FAM149A: variants seen among roughly 807,000 people sequenced by gnomAD.
The protein encoded by FAM149A is family with sequence similarity 149 member A.
In FAM149A, 71 loss-of-function variants were observed where a neutral mutation model predicts 78.2. The ratio of observed to expected loss-of-function variants is 0.91; its 90% CI spans 0.75 to 1.11. The LOEUF (loss-of-function observed/expected upper bound fraction) is 1.11. FAM149A is among the 50% of genes least tolerant of loss of function. FAM149A has a pLI of 0.00. For missense variants in FAM149A, 1,036 were observed against 971.0 expected, an observed-to-expected ratio of 1.07 and a Z score of -0.89; for synonymous variants, 446 against 410.5, an observed-to-expected ratio of 1.09 and a Z score of -1.04.
At position 186,105,089 on chromosome 4, in the gene FAM149A, G is replaced by A. The variant is rs1332941872; in HGVS notation, c.13G>A (p.Val5Met). The A allele has an allele frequency of 9.4e-6, 12 of 1,280,448 alleles. No homozygotes were observed. In the African/African-American group the frequency reaches 1.3e-4, roughly 13 times the overall value. The allele number at this position is 1,280,448 out of a possible 1,614,324, so 79.3% of individuals were successfully genotyped here. ...CCACTGTCGAGGCATGAAGGCTGCT[G>A]TGCTGGACCTTGGGTCTCTCTTGGC... The change falls in exon 1 of 14, where the codon GTG becomes ATG. Residue 5 changes from valine (V) to methionine (M), a missense_variant. Physicochemically the swap from Val to Met is conservative, Grantham distance 21. Coordinates refer to ENST00000389354, the MANE Select transcript of FAM149A (RefSeq NM_001367768.3).
At chr4:186,131,861 ACTT>A (rs1252954620) in intron 1 of FAM149A, 1 of 980,768 alleles carries the variant, frequency 1.0e-6, no homozygotes, top group Non-Finnish European at 1.2e-6. Flanking sequence ...AAAATTAAGA[ACTT>A]CTGTTAATCA....
chr4:186,144,980 C>G lies in FAM149A; in HGVS notation c.567-4193C>G, dbSNP rs1421316094. The G allele has an allele frequency of 6.1e-6, 6 of 977,294 alleles. No homozygotes were observed. In the African/African-American group the frequency reaches 1.1e-4, roughly 17 times the overall value. 60.5% of individuals were successfully genotyped at this position (977,294 alleles called of 1,614,324 possible). ...GCGGGCGGGTGGGGAGCCCCAGCCC[C>G]GGGGCCGCGGGGGCGCGTGACCGGC... is the stretch of plus-strand genomic sequence containing the variant. On this transcript the variant is annotated intron_variant, in intron 1 of 13. Transcript: ENST00000389354. This position sits in a 1 kb window ranked among gnomAD's most constrained non-coding sequence, Gnocchi z 4.2.
intron 1 of FAM149A, among the ~76,000 whole-genome samples, chr4:186,141,178 T>A (rs1321319513): frequency 6.6e-6 from 1 of 152,222 alleles, no homozygotes; most frequent in African/African-American, 2.4e-5. Flanking sequence ...CTCTGCCCAC[T>A]TGTTTATGGG....
Position 186,144,916 on chromosome 4 carries a change from A to C in FAM149A, c.567-4257A>C, listed in dbSNP as rs1732885731. ...GCGCCCGGGCCGCCTGAGCTGGGCCAGCCGCGCGGCGGGCGCGGGCGCGGG... is the reference window on the plus strand; with the variant it reads ...GCGCCCGGGCCGCCTGAGCTGGGCCCGCCGCGCGGCGGGCGCGGGCGCGGG... On this transcript the variant is annotated intron_variant, in intron 1 of 13. Coordinates refer to ENST00000389354, the MANE Select transcript of FAM149A (RefSeq NM_001367768.3). The surrounding 1 kb of genome is among the most constrained non-coding windows in gnomAD (Gnocchi z 4.2). 1 of 951,816 alleles carries C rather than the reference A, an allele frequency of 1.1e-6. No homozygotes were observed. 59.0% of individuals were successfully genotyped at this position (951,816 alleles called of 1,614,324 possible). A position where few individuals can be genotyped will look rare whatever the true frequency, so the allele number is the denominator to read the frequency against.
At position 186,149,610 on chromosome 4, in the gene FAM149A, C is replaced by G; in HGVS notation, c.695C>G (p.Thr232Arg). ...TCCTCCAGCGGAAGCCATACACCCACGGGAGCCCACACCTCTTGGTCTGGG... is the reference window on the plus strand; with the variant it reads ...TCCTCCAGCGGAAGCCATACACCCAGGGGAGCCCACACCTCTTGGTCTGGG... The change falls in exon 3 of 14, where the codon ACG (threonine) becomes AGG (arginine). Residue 232 changes from threonine to arginine, a missense_variant. Transcript: ENST00000389354. The G allele has an allele frequency of 1.6e-6, 2 of 1,289,950 alleles. No individual in the cohort carries two copies. Among genetic ancestry groups the G allele is most frequent in the Non-Finnish European group, 2.0e-6 (2 of 988,898 alleles). 79.9% of individuals were successfully genotyped at this position (1,289,950 alleles called of 1,614,324 possible).
chr4:186,137,391 C>T (rs186367735), intron 1 of FAM149A, among the ~76,000 whole-genome samples: 1 of 152,210 alleles, frequency 6.6e-6, no homozygotes, highest in Non-Finnish European at 1.5e-5. Flanking sequence ...TACCCTGTCC[C>T]TCATGCACAT....
At chr4:186,113,238 G>A (rs1427002897) in intron 1 of FAM149A, among the ~76,000 whole-genome samples, 1 of 64,754 alleles carries the variant, frequency 1.5e-5, no homozygotes, top group Non-Finnish European at 3.2e-5. Context: ...GGGATCAGTG[G>A]TGATATCCCC....
In FAM149A at chr4:186,137,002, CTCTCTCTCTCTCTCTCTAA is replaced by C. The variant is rs1454617576; in HGVS notation, c.567-12170_567-12152del. On this transcript the variant is annotated intron_variant, in intron 1 of 13. Transcript: ENST00000389354. ...TCTCTCTCTCTCTCTCTCTCTCTCTCTCTCTCTCTCTCTCTCTAAGTGCTTAAAGCAGGGCCTGGTGTGT... is the reference window on the plus strand; with the variant it reads ...TCTCTCTCTCTCTCTCTCTCTCTCTCGTGCTTAAAGCAGGGCCTGGTGTGT... Among the ~76,000 whole-genome samples, 92 of 137,650 alleles carry C rather than the reference CTCTCTCTCTCTCTCTCTAA, an allele frequency of 6.7e-4. No individual in the cohort carries two copies. The East Asian group carries it at 0.014, about 22-fold the overall frequency. 90.3% of individuals were successfully genotyped at this position (137,650 alleles called of 152,430 possible).
intron 1 of FAM149A, chr4:186,107,534 C>G (rs2099309285): frequency 6.6e-6 from 1 of 152,178 alleles, no homozygotes; most frequent in Non-Finnish European, 1.5e-5. Context: ...TCTGATTCTC[C>G]CGTCTCAGAC....
intron 1 of FAM149A, chr4:186,145,061 C>T (rs1732915446): frequency 2.0e-6 from 2 of 983,774 alleles, no homozygotes; most frequent in African/African-American, 1.8e-5. Flanking sequence ...GAGCCTAGCG[C>T]GGAGCCTGGC....
At chr4:186,124,995 T>C (rs1414081214) in intron 1 of FAM149A, among the ~76,000 whole-genome samples, 3 of 152,234 alleles carry the variant, frequency 2.0e-5, no homozygotes, top group Non-Finnish European at 4.4e-5. Context: ...GGTTTTGATT[T>C]GCATTTTTCT....
At position 186,104,920 on chromosome 4, in the gene FAM149A, G is replaced by C; in HGVS notation, c.-157G>C. The C allele has an allele frequency of 1.0e-6, 1 of 972,418 alleles. No homozygotes were observed. Among genetic ancestry groups the C allele is most frequent in the African/African-American group, 1.8e-5 (1 of 57,070 alleles). The allele number at this position is 972,418 out of a possible 1,614,324, so 60.2% of individuals were successfully genotyped here. A position where few individuals can be genotyped will look rare whatever the true frequency, so the allele number is the denominator to read the frequency against. ...GGGGAAGGGCGACCCCAGCGGCGCG[G>C]AGCTGAGCGTCCTCGGGGAGGAGAG... On this transcript the variant is annotated 5_prime_UTR_variant, in exon 1 of 14. Coordinates refer to ENST00000389354, the MANE Select transcript of FAM149A (RefSeq NM_001367768.3).
chr4:186,142,244 T>C (rs1419578888), intron 1 of FAM149A, among the ~76,000 whole-genome samples: 2 of 152,192 alleles, frequency 1.3e-5, no homozygotes, highest in Admixed American at 1.3e-4. Flanking sequence ...CCACTGGGGA[T>C]GTCCTGGCTC....
rs569595828 is a variant in FAM149A, at chr4:186,150,126, C to A, written c.789+422C>A. On this transcript the variant is annotated intron_variant, in intron 3 of 13. Transcript: ENST00000389354. Reference sequence around the variant, plus strand: ...TCGGATATTTCACCTTCACCCCCTACCGCTGGGGGCGCTGTTGCCTCTGAA... The same window carrying A: ...TCGGATATTTCACCTTCACCCCCTAACGCTGGGGGCGCTGTTGCCTCTGAA... Among the ~76,000 whole-genome samples the A allele has an allele frequency of 2.9e-3, 381 of 129,260 alleles. 3 individuals are homozygous for A. Among genetic ancestry groups the A allele is most frequent in the Non-Finnish European group, 4.4e-3 (241 of 54,424 alleles). The allele number at this position is 129,260 out of a possible 152,430, so 84.8% of individuals were successfully genotyped here. A position where few individuals can be genotyped will look rare whatever the true frequency, so the allele number is the denominator to read the frequency against.
chr4:186,139,433 C>G (rs940810058), intron 1 of FAM149A, among the ~76,000 whole-genome samples: 6 of 151,648 alleles, frequency 4.0e-5, no homozygotes, highest in African/African-American at 1.4e-4. Flanking sequence ...TTGCAAAGCC[C>G]TCGTGAGTGG....
chr4:186,149,685 T>C lies in FAM149A; in HGVS notation c.770T>C (p.Val257Ala). Residue 257 changes from valine (V) to alanine (A), a missense_variant, in exon 3 of 14, where the codon GTT becomes GCT. Val to Ala is a moderately conservative substitution (Grantham distance 64, BLOSUM62 0). Transcript: ENST00000389354. ...GGCTCATCCACGGAGAGGGGCTCCG[T>C]TTATTCCTGGAGAGATGACGTATGT... The C allele has an allele frequency of 7.8e-7, 1 of 1,288,498 alleles. No homozygotes were observed. Among genetic ancestry groups the C allele is most frequent in the Non-Finnish European group, 1.0e-6 (1 of 988,490 alleles). The allele number at this position is 1,288,498 out of a possible 1,614,324, so 79.8% of individuals were successfully genotyped here.
At chr4:186,116,600 T>A (rs2099313818) in intron 1 of FAM149A, 2 of 832,814 alleles carry the variant, frequency 2.4e-6, no homozygotes, top group Non-Finnish European at 2.6e-6. Context: ...TTTAAATTTT[T>A]TTTTTTTAAT....
At chr4:186,106,965 C>A (rs903528419) in intron 1 of FAM149A, among the ~76,000 whole-genome samples, 1 of 151,974 alleles carries the variant, frequency 6.6e-6, no homozygotes, top group African/African-American at 2.4e-5. Flanking sequence ...AAAACAACAA[C>A]AAAAAAGAAA....
intron 1 of FAM149A, among the ~76,000 whole-genome samples, chr4:186,134,167 TAATGAGTTTAA>T (rs760121877): frequency 6.6e-6 from 1 of 152,220 alleles, no homozygotes. Context: ...ACAGCCACTC[TAATGAGTTTAA>T]AATGGAGGAC....
Sources: allele counts gnomAD v4.1 joint callset (sites outside exome capture counted in the v4.1 genomes callset), GRCh38; gene constraint gnomAD v4.1.1; non-coding constraint Gnocchi (gnomAD v3.1); transcripts MANE v1.5; gene names NCBI Gene and HGNC (gene_info 2026-07-23, HGNC 2026-07-21).